Variants in NRF1 observed in about 807,000 individuals in gnomAD.
NRF1 encodes the protein nuclear respiratory factor 1.
A neutral mutation model predicts 58.5 loss-of-function variants in NRF1; 5 were observed. The ratio of observed to expected loss-of-function variants is 0.09; its 90% CI spans 0.04 to 0.18. The LOEUF is 0.18. NRF1 is among the 10% of genes least tolerant of loss of function. The pLI is 1.00. For missense variants in NRF1, 288 were observed against 657.7 expected (o/e 0.44, Z 6.15); for synonymous variants, 224 against 246.7 (o/e 0.91, Z 0.86).
chr7:129,654,233 A>G (rs894825500), intron 1 of NRF1, among the ~76,000 whole-genome samples: 3 of 152,240 alleles, frequency 2.0e-5, no homozygotes, highest in Non-Finnish European at 2.9e-5. Context: ...GATGTTGAGC[A>G]TCTTTTCATA....
intron 10 of NRF1, among the ~76,000 whole-genome samples, chr7:129,753,611 G>A (rs548099389): frequency 6.6e-6 from 1 of 152,024 alleles, no homozygotes; most frequent in African/African-American, 2.4e-5. Context: ...TTTTTTTAAT[G>A]TATTATCAGC....
At chr7:129,617,619 C>G (rs550613024) in intron 1 of NRF1, among the ~76,000 whole-genome samples, 1 of 152,200 alleles carries the variant, frequency 6.6e-6, no homozygotes, top group South Asian at 2.1e-4. Context: ...TGGGCCTTGT[C>G]GTGTAGAGCA....
At chr7:129,670,767 C>A (rs1802029962) in intron 2 of NRF1, among the ~76,000 whole-genome samples, 1 of 152,140 alleles carries the variant, frequency 6.6e-6, no homozygotes, top group South Asian at 2.1e-4. Flanking sequence ...TCAAGGCAAG[C>A]CAGACTAACT....
intron 3 of NRF1, among the ~76,000 whole-genome samples, chr7:129,673,561 C>T (rs1292135948): frequency 6.6e-6 from 1 of 151,448 alleles, no homozygotes; most frequent in Admixed American, 6.6e-5. Context: ...ACTAAAAATA[C>T]AAAAAATTAG....
chr7:129,710,526 A>T lies in NRF1; in HGVS notation c.918A>T (p.Val306=), dbSNP rs1803049394. ...SIAHLVPSQT[V]VQTFSNPDGT... Reference sequence around the variant, plus strand: ...CTCATCTTGTACCATCACAGACTGTAGTCCAGACTTTTAGTAACCCTGATG... The same window carrying T: ...CTCATCTTGTACCATCACAGACTGTTGTCCAGACTTTTAGTAACCCTGATG... The change falls in exon 7 of 11, where the codon GTA becomes GTT. Residue 306 remains valine, a synonymous_variant. Coordinates refer to ENST00000393232, the MANE Select transcript of NRF1 (RefSeq NM_005011.5). 1 of 1,603,754 alleles carries T rather than the reference A, an allele frequency of 6.2e-7. No homozygotes were observed.
intron 1 of NRF1, among the ~76,000 whole-genome samples, chr7:129,624,740 C>T (rs1800877411): frequency 6.6e-6 from 1 of 152,084 alleles, no homozygotes; most frequent in Non-Finnish European, 1.5e-5. Context: ...CTCTCAGACT[C>T]CTGTGCTGAA....
chr7:129,708,715 T>C (rs2116188599), intron 5 of NRF1, among the ~76,000 whole-genome samples: 2 of 152,318 alleles, frequency 1.3e-5, no homozygotes, highest in Admixed American at 1.3e-4. Flanking sequence ...CAGAACAGTG[T>C]TGAAAACACC....
At chr7:129,713,110 T>C (rs1446423855) in intron 8 of NRF1, among the ~76,000 whole-genome samples, 2 of 151,068 alleles carry the variant, frequency 1.3e-5, no homozygotes, top group East Asian at 1.9e-4. Context: ...TTTTTTTTTT[T>C]TCCTGAGACG....
At chr7:129,748,798 C>T (rs1804043492) in intron 10 of NRF1, among the ~76,000 whole-genome samples, 1 of 152,178 alleles carries the variant, frequency 6.6e-6, no homozygotes, top group Non-Finnish European at 1.5e-5. Context: ...TAAAGTCCCT[C>T]AAAATAACTA....
chr7:129,683,203 C>G (rs1288593820), intron 4 of NRF1, among the ~76,000 whole-genome samples: 3 of 151,366 alleles, frequency 2.0e-5, no homozygotes, highest in African/African-American at 7.3e-5. Flanking sequence ...AGCCCTGGCC[C>G]CAGAGAATAT....
chr7:129,661,992 C>G (rs1801792837), intron 2 of NRF1, among the ~76,000 whole-genome samples: 2 of 150,772 alleles, frequency 1.3e-5, no homozygotes, highest in Non-Finnish European at 2.9e-5. Flanking sequence ...CAAGTCATGT[C>G]TTACATGGAT....
In NRF1 at chr7:129,661,579, G is replaced by A. The variant is rs182155837; in HGVS notation, c.223+4005G>A. Among the ~76,000 whole-genome samples the A allele has an allele frequency of 8.2e-4, 123 of 150,718 alleles. No homozygotes were observed. In the East Asian group the frequency reaches 0.019, roughly 23 times the overall value. On this transcript the variant is annotated intron_variant, in intron 2 of 10. Coordinates refer to ENST00000393232, the MANE Select transcript of NRF1 (RefSeq NM_005011.5). ...GCAAAATGCCACCAGTCTCTTTGCC[G>A]AAGCATAACAAGAGTCACCTTTGCT...
chr7:129,752,450 G>A (rs76035002), intron 10 of NRF1, among the ~76,000 whole-genome samples: 7 of 152,342 alleles, frequency 4.6e-5, no homozygotes, highest in East Asian at 3.9e-4. Context: ...GGCAAACCAC[G>A]AAAGGCCTTG....
chr7:129,703,799 T>C (rs934055545), intron 5 of NRF1, among the ~76,000 whole-genome samples: 7 of 152,182 alleles, frequency 4.6e-5, no homozygotes, highest in African/African-American at 1.7e-4. Flanking sequence ...CTGATTTCAG[T>C]CTGGTTCCAT....
chr7:129,625,912 G>C (rs975893627), intron 1 of NRF1, among the ~76,000 whole-genome samples: 9 of 151,960 alleles, frequency 5.9e-5, no homozygotes, highest in African/African-American at 2.2e-4. Context: ...TTGATTTTCC[G>C]ACCTTGTGAT....
chr7:129,647,718 A>G (rs1007763382), intron 1 of NRF1, among the ~76,000 whole-genome samples: 1 of 152,210 alleles, frequency 6.6e-6, no homozygotes, highest in Non-Finnish European at 1.5e-5. Context: ...CTTAAGCATT[A>G]TATAAAAGCA....
chr7:129,637,192 C>T (rs1801184654), intron 1 of NRF1, among the ~76,000 whole-genome samples: 3 of 151,456 alleles, frequency 2.0e-5, no homozygotes, highest in Non-Finnish European at 4.4e-5. Context: ...GAAGAAATTC[C>T]ACTGTTACCT....
intron 4 of NRF1, among the ~76,000 whole-genome samples, chr7:129,688,462 A>G (rs1275130307): frequency 6.6e-6 from 1 of 152,154 alleles, no homozygotes; most frequent in Non-Finnish European, 1.5e-5. Flanking sequence ...CTATTGGCTT[A>G]TACCTAATAG....
At chr7:129,663,264 T>C (rs966143904) in intron 2 of NRF1, among the ~76,000 whole-genome samples, 6 of 151,092 alleles carry the variant, frequency 4.0e-5, no homozygotes, top group South Asian at 2.1e-4. Context: ...CGATGGTCGC[T>C]GTCTCTTCGG....
Sources: gnomAD v4.1 joint callset for allele counts (sites outside exome capture counted in the v4.1 genomes callset) on GRCh38, gnomAD v4.1.1 for gene constraint, MANE v1.5 for transcripts, NCBI Gene and HGNC (gene_info 2026-07-23, HGNC 2026-07-21) for gene names.